PLEKHG4B: variants seen among roughly 807,000 people sequenced by gnomAD.
The protein encoded by PLEKHG4B is pleckstrin homology domain-containing family G member 4B.
PLEKHG4B carries 111 observed loss-of-function variants against 121.3 expected under a neutral mutation model. The observed-to-expected ratio is 0.92, with a 90% CI of 0.78 to 1.07. PLEKHG4B has a LOEUF of 1.07. PLEKHG4B is among the 50% of genes least tolerant of loss of function. The pLI is 0.00. For missense variants in PLEKHG4B, 1,831 were observed against 1,757.8 expected, an observed-to-expected ratio of 1.04 and a Z score of -0.74; for synonymous variants, 738 against 725.0, an observed-to-expected ratio of 1.02 and a Z score of -0.29.
intron 2 of PLEKHG4B, among the ~76,000 whole-genome samples, chr5:114,341 A>G (rs77689483): frequency 1.3e-5 from 2 of 152,342 alleles, no homozygotes; most frequent in East Asian, 3.9e-4. Context: ...TCAGAATTGG[A>G]GTCGATCCTC....
At position 183,987 on chromosome 5, in the gene PLEKHG4B, A is replaced by AGATAGATCGATC. The variant is rs1346653112; in HGVS notation, c.*1667_*1668insAGATCGATCGAT. 3.7e-5 allele frequency: 3 copies of AGATAGATCGATC among 81,002 alleles called. No individual in the cohort carries two copies. The highest frequency in any genetic ancestry group is 1.2e-4 in the African/African-American group (3 of 25,692). 5.0% of individuals were successfully genotyped at this position (81,002 alleles called of 1,614,324 possible). A position where few individuals can be genotyped will look rare whatever the true frequency, so the allele number is the denominator to read the frequency against. ...TATACAGACAGATAGATAGATAGAT[A>AGATAGATCGATC]GATCGATAGATAGATAGATAGATAG... On this transcript the variant is annotated 3_prime_UTR_variant, in exon 20 of 20. Transcript: ENST00000637938.
At chr5:171,800 G>A (rs1736562743) in intron 16 of PLEKHG4B, among the ~76,000 whole-genome samples, 1 of 152,234 alleles carries the variant, frequency 6.6e-6, no homozygotes. Flanking sequence ...CGTGAGCGCT[G>A]CACCCCAGCC....
intron 1 of PLEKHG4B, among the ~76,000 whole-genome samples, chr5:107,127 A>T (rs922963094): frequency 3.3e-5 from 5 of 152,194 alleles, no homozygotes; most frequent in Admixed American, 3.3e-4. Flanking sequence ...CTCATTATTA[A>T]TGCTCAGCCA....
In PLEKHG4B at chr5:139,310, A is replaced by C. The variant is rs1272803778; in HGVS notation, c.244-173A>C. Among the ~76,000 whole-genome samples the C allele has an allele frequency of 6.6e-6, 1 of 152,218 alleles. No individual in the cohort carries two copies. The highest frequency in any genetic ancestry group is 6.5e-5 in the Admixed American group (1 of 15,282). ...AACCAAAGAGCAGCCCGTGTTTTCT[A>C]GTCCTAATGACCTGCTTTATGTTCC... On this transcript the variant is annotated intron_variant, in intron 2 of 19. Coordinates refer to ENST00000637938, the MANE Select transcript of PLEKHG4B (RefSeq NM_052909.5). The surrounding 1 kb of genome is among the most constrained non-coding windows in gnomAD (Gnocchi z 5.0).
rs949068985 is a variant in PLEKHG4B at position 169,965 on chromosome 5, A to C, written c.3729+373A>C. 2.0e-5 allele frequency among the ~76,000 whole-genome samples: 3 copies of C among 151,934 alleles called. No homozygotes were observed. In the East Asian group the frequency reaches 5.8e-4, roughly 29 times the overall value. On this transcript the variant is annotated intron_variant, in intron 14 of 19. Transcript: ENST00000637938. ...GAGAGGCCAGGCCTCACCTCTTCAC[A>C]CGCCCCCTGCCCCTGGATGCCCCAT...
In PLEKHG4B at chr5:156,790, C is replaced by T; in HGVS notation, c.2366C>T (p.Ala789Val). ...TEDSRDTLEA[A>V]TSLYDRVDEE... ...TTCCTCAGGGACACCCTGGAGGCCG[C>T]CACAAGCCTGTACGACCGAGTGGAT... Residue 789 changes from alanine to valine, a missense_variant, in exon 11 of 20, where the codon GCC (alanine) becomes GTC (valine). Ala to Val is a moderately conservative substitution (Grantham distance 64). Transcript: ENST00000637938. The surrounding 1 kb of genome is among the most constrained non-coding windows in gnomAD (Gnocchi z 4.4). 1.3e-6 allele frequency: 2 copies of T among 1,561,784 alleles called. No individual in the cohort carries two copies. Among genetic ancestry groups the T allele is most frequent in the Non-Finnish European group, 1.7e-6 (2 of 1,153,396 alleles).
intron 18 of PLEKHG4B, among the ~76,000 whole-genome samples, chr5:174,537 A>G (rs1022164547): frequency 1.3e-5 from 2 of 152,162 alleles, no homozygotes; most frequent in African/African-American, 4.8e-5. Context: ...TCACTTGAGC[A>G]CAAAGTCTGA....
rs187785115 is a variant in PLEKHG4B at position 168,535 on chromosome 5, T to G, written c.3477-805T>G. Among the ~76,000 whole-genome samples the G allele has an allele frequency of 1.5e-3, 229 of 152,086 alleles. 1 individual carries two copies. The highest frequency in any genetic ancestry group is 5.2e-3 in the African/African-American group (217 of 41,442). On this transcript the variant is annotated intron_variant, in intron 13 of 19. Coordinates refer to ENST00000637938, the MANE Select transcript of PLEKHG4B (RefSeq NM_052909.5). ...TCTCACGAAATTTCCACCACAGCCT[T>G]CCTTAGCAGAAGCGTCACTGCTGGA... is the stretch of plus-strand genomic sequence containing the variant.
chr5:94,503 G>C (rs12518200), intron 1 of PLEKHG4B, among the ~76,000 whole-genome samples: 1 of 125,370 alleles, frequency 8.0e-6, no homozygotes, highest in East Asian at 1.9e-4. Context: ...GTTGAGAGGT[G>C]GCAGGTTCCA....
chr5:99,550 T>C (rs1733741545), intron 1 of PLEKHG4B, among the ~76,000 whole-genome samples: 1 of 152,094 alleles, frequency 6.6e-6, no homozygotes, highest in African/African-American at 2.4e-5. Context: ...TATTCATTGC[T>C]GGTGTATAGA....
At position 159,109 on chromosome 5, in the gene PLEKHG4B, G is replaced by A. The variant is rs1388813965; in HGVS notation, c.2487+2198G>A. On this transcript the variant is annotated intron_variant, in intron 11 of 19. Coordinates refer to ENST00000637938, the MANE Select transcript of PLEKHG4B (RefSeq NM_052909.5). The surrounding 1 kb of genome is among the most constrained non-coding windows in gnomAD (Gnocchi z 5.5). ...AGCCACAGACTTTCCTGTCGTCCTC[G>A]GGGCTCTGGAATCTGAGGGTTGCCC... 6.6e-6 allele frequency among the ~76,000 whole-genome samples: 1 copy of A among 151,952 alleles called. No individual in the cohort carries two copies. Among genetic ancestry groups the A allele is most frequent in the Non-Finnish European group, 1.5e-5 (1 of 68,010 alleles).
intron 18 of PLEKHG4B, 58 bp downstream of exon 18, chr5:174,156 G>A: frequency 7.9e-7 from 1 of 1,259,506 alleles, no homozygotes; most frequent in Non-Finnish European, 1.1e-6. Flanking sequence ...AGGGGCAGGG[G>A]TCGGGGCTGG....
chr5:99,213 T>TATATATATATATA (rs1733729514), intron 1 of PLEKHG4B, among the ~76,000 whole-genome samples: 1 of 129,256 alleles, frequency 7.7e-6, no homozygotes, highest in Non-Finnish European at 1.6e-5. Flanking sequence ...TATATATATA[T>TATATATATATATA]TTTGCGATTT....
chr5:140,120 C>T lies in PLEKHG4B; in HGVS notation c.881C>T (p.Ser294Leu). The change falls in exon 3 of 20, where the codon TCA (serine) becomes TTA (leucine). Residue 294 changes from serine to leucine, a missense_variant. Ser to Leu is a moderately radical substitution (Grantham distance 145, BLOSUM62 -2). Coordinates refer to ENST00000637938, the MANE Select transcript of PLEKHG4B (RefSeq NM_052909.5). ...SDRDFEKVSP[S>L]EQGPRMPPEN... is the part of the protein sequence containing the mutation. ...AGGGACTTCGAAAAGGTCAGCCCCTCAGAGCAGGGCCCACGGATGCCCCCT... is the reference window on the plus strand; with the variant it reads ...AGGGACTTCGAAAAGGTCAGCCCCTTAGAGCAGGGCCCACGGATGCCCCCT... 1 of 562,158 alleles carries T rather than the reference C, an allele frequency of 1.8e-6. No individual in the cohort carries two copies. Among genetic ancestry groups the T allele is most frequent in the Non-Finnish European group, 3.0e-6 (1 of 330,938 alleles). 34.8% of individuals were successfully genotyped at this position (562,158 alleles called of 1,614,324 possible).
chr5:133,717 G>T (rs1032550682), intron 2 of PLEKHG4B, among the ~76,000 whole-genome samples: 4 of 152,036 alleles, frequency 2.6e-5, no homozygotes, highest in African/African-American at 9.7e-5. Context: ...GGAAAACAGC[G>T]TGGAGATTCC....
rs899576129 is a variant in PLEKHG4B, at chr5:157,065, T to C, written c.2487+154T>C. 40 of 1,102,776 alleles carry C rather than the reference T, an allele frequency of 3.6e-5. 1 individual carries two copies. In the South Asian group the frequency reaches 5.4e-4, roughly 15 times the overall value. 68.3% of individuals were successfully genotyped at this position (1,102,776 alleles called of 1,614,324 possible). On this transcript the variant is annotated intron_variant, in intron 11 of 19. Transcript: ENST00000637938. The surrounding 1 kb of genome is among the most constrained non-coding windows in gnomAD (Gnocchi z 4.6). ...TCAGGATAGGGCATGCCTTGCTGCT[T>C]GTGTAAAAAGAAATAAATTTTATTT...
chr5:140,287 C>A lies in PLEKHG4B; in HGVS notation c.1048C>A (p.Arg350Ser). 1 of 1,476,226 alleles carries A rather than the reference C, an allele frequency of 6.8e-7. No individual in the cohort carries two copies. Among genetic ancestry groups the A allele is most frequent in the Non-Finnish European group, 9.0e-7 (1 of 1,114,206 alleles). 91.4% of individuals were successfully genotyped at this position (1,476,226 alleles called of 1,614,324 possible). ...GGACCCCACTTGTGTGCAGCCTAGACGCTGGTTCAGGGAGTCGTACATGGA... is the reference window on the plus strand; with the variant it reads ...GGACCCCACTTGTGTGCAGCCTAGAAGCTGGTTCAGGGAGTCGTACATGGA... ...PGDPTCVQPR[R>S]WFRESYMEAL... Residue 350 changes from arginine to serine, a missense_variant, in exon 3 of 20, where the codon CGC becomes AGC. Physicochemically the swap from Arg to Ser is moderately radical, Grantham distance 110 (BLOSUM62 -1). Coordinates refer to ENST00000637938, the MANE Select transcript of PLEKHG4B (RefSeq NM_052909.5).
At chr5:148,302 C>A (rs1205681622) in intron 6 of PLEKHG4B, among the ~76,000 whole-genome samples, 2 of 145,114 alleles carry the variant, frequency 1.4e-5, no homozygotes, top group African/African-American at 2.6e-5. Context: ...TCTCTATTCC[C>A]AGATGATGTG....
Position 163,526 on chromosome 5 carries a change from G to A in PLEKHG4B, c.3454G>A (p.Asp1152Asn). Residue 1152 changes from aspartate to asparagine, a missense_variant, in exon 13 of 20, where the codon GAT becomes AAT. Asp to Asn is a conservative substitution (Grantham distance 23). Coordinates refer to ENST00000637938, the MANE Select transcript of PLEKHG4B (RefSeq NM_052909.5). ...CTCGGGGCTCCACCCTGCTGAGGAGGATGGGAGGCAGCAGGTGGGCAGGTG... is the reference window on the plus strand; with the variant it reads ...CTCGGGGCTCCACCCTGCTGAGGAGAATGGGAGGCAGCAGGTGGGCAGGTG... ...SPSGLHPAEEDGRQQVGSSRL... is the reference protein window; with the variant it reads ...SPSGLHPAEENGRQQVGSSRL... 6.2e-7 allele frequency: 1 copy of A among 1,604,058 alleles called. No homozygotes were observed. Among genetic ancestry groups the A allele is most frequent in the South Asian group, 1.1e-5 (1 of 90,384 alleles).
Sources: gnomAD v4.1 joint callset for allele counts (sites outside exome capture counted in the v4.1 genomes callset) on GRCh38, gnomAD v4.1.1 for gene constraint, Gnocchi (gnomAD v3.1) non-coding constraint, MANE v1.5 for transcripts, NCBI Gene and HGNC (gene_info 2026-07-23, HGNC 2026-07-21) for gene names.